DGKB: variants seen among roughly 807,000 people sequenced by gnomAD.
The protein encoded by DGKB is 90 kDa diacylglycerol kinase.
A neutral mutation model predicts 114.3 loss-of-function variants in DGKB; 67 were observed. The observed-to-expected ratio is 0.59, with a 90% CI of 0.48 to 0.72. The LOEUF is 0.72. Among genes scored for constraint, DGKB ranks in the 30% least tolerant of loss-of-function variants. The pLI is 0.00. For synonymous variants in DGKB, 398 were observed against 323.1 expected (o/e 1.23, Z -2.49); for missense variants, 907 against 975.2 (o/e 0.93, Z 0.93).
At chr7:14,504,978 G>C (rs1042992420) in intron 20 of DGKB, among the ~76,000 whole-genome samples, 1 of 152,180 alleles carries the variant, frequency 6.6e-6, no homozygotes, top group African/African-American at 2.4e-5. Context: ...ACAAGAGCCA[G>C]AAATCAACAC....
intron 21 of DGKB, among the ~76,000 whole-genome samples, chr7:14,352,858 G>A (rs1306748078): frequency 6.6e-6 from 1 of 152,108 alleles, no homozygotes; most frequent in African/African-American, 2.4e-5. Flanking sequence ...GGGAGGCGGA[G>A]GCTGCAGTGA....
At chr7:14,488,424 A>G (rs1037624052) in intron 20 of DGKB, among the ~76,000 whole-genome samples, 2 of 152,160 alleles carry the variant, frequency 1.3e-5, no homozygotes, top group Non-Finnish European at 2.9e-5. Context: ...TTCTGTGATT[A>G]AAATGCTCCC....
intron 21 of DGKB, among the ~76,000 whole-genome samples, chr7:14,375,691 A>C (rs1325809325): frequency 2.6e-5 from 4 of 152,230 alleles, no homozygotes; most frequent in Middle Eastern, 3.2e-3. Context: ...TAGATGCCTC[A>C]CGCTGGCATT....
chr7:14,861,971 C>G (rs1851045157), intron 1 of DGKB, among the ~76,000 whole-genome samples: 1 of 151,966 alleles, frequency 6.6e-6, no homozygotes, highest in Non-Finnish European at 1.5e-5. Context: ...GAGTGTTTCT[C>G]ATTTATATGA....
chr7:14,524,329 T>C (rs916634996), intron 20 of DGKB, among the ~76,000 whole-genome samples: 1 of 152,170 alleles, frequency 6.6e-6, no homozygotes, highest in East Asian at 1.9e-4. Context: ...TTGCTTCAGA[T>C]CAATAGAGTG....
At chr7:14,964,524 G>T (rs933080202) in intron 1 of DGKB, among the ~76,000 whole-genome samples, 1 of 151,972 alleles carries the variant, frequency 6.6e-6, no homozygotes, top group Non-Finnish European at 1.5e-5. Context: ...AAGATAAATG[G>T]AAAATAAAAC....
At chr7:14,565,828 C>T (rs1797305692) in intron 20 of DGKB, among the ~76,000 whole-genome samples, 1 of 152,048 alleles carries the variant, frequency 6.6e-6, no homozygotes, top group Non-Finnish European at 1.5e-5. Context: ...ACTTCCATGT[C>T]ATTCGCCATG....
At chr7:14,608,810 AT>A (rs999750100) in intron 16 of DGKB, among the ~76,000 whole-genome samples, 7 of 151,946 alleles carry the variant, frequency 4.6e-5, no homozygotes, top group African/African-American at 1.7e-4. Flanking sequence ...ATACAATATC[AT>A]TTACAAGAGT....
At chr7:14,848,461 G>A (rs1382343060) in intron 1 of DGKB, among the ~76,000 whole-genome samples, 1 of 152,194 alleles carries the variant, frequency 6.6e-6, no homozygotes, top group Non-Finnish European at 1.5e-5. Context: ...GAATGTACTA[G>A]TAGATTTTGA....
At chr7:14,234,572 T>C (rs538316884) in intron 23 of DGKB, among the ~76,000 whole-genome samples, 1 of 152,266 alleles carries the variant, frequency 6.6e-6, no homozygotes, top group African/African-American at 2.4e-5. Flanking sequence ...TAGTTTTATG[T>C]GAATGAATTG....
intron 25 of DGKB, among the ~76,000 whole-genome samples, chr7:14,158,343 C>T (rs570136363): frequency 3.3e-5 from 5 of 152,180 alleles, no homozygotes; most frequent in South Asian, 2.1e-4. Context: ...GCAGCATTCC[C>T]GCCACATGCC....
chr7:14,877,203 T>G (rs973048702), intron 1 of DGKB, among the ~76,000 whole-genome samples: 4 of 152,206 alleles, frequency 2.6e-5, no homozygotes, highest in African/African-American at 9.6e-5. Context: ...TACCCCCTAT[T>G]ATACGATTGC....
chr7:14,829,735 AT>A (rs1846164485), intron 2 of DGKB, among the ~76,000 whole-genome samples: 1 of 152,140 alleles, frequency 6.6e-6, no homozygotes, highest in Admixed American at 6.6e-5. Flanking sequence ...ACAGAACTCT[AT>A]GATTATGGCA....
intron 6 of DGKB, among the ~76,000 whole-genome samples, chr7:14,715,265 G>C (rs76740223): frequency 6.6e-6 from 1 of 152,176 alleles, no homozygotes; most frequent in African/African-American, 2.4e-5. Flanking sequence ...TGACAGTTTA[G>C]TTTTGGAATA....
chr7:14,894,925 C>G (rs1261864362), intron 1 of DGKB, among the ~76,000 whole-genome samples: 1 of 151,518 alleles, frequency 6.6e-6, no homozygotes, highest in Non-Finnish European at 1.5e-5. Context: ...ATAGAAACTT[C>G]TAATATATAT....
intron 23 of DGKB, among the ~76,000 whole-genome samples, chr7:14,336,167 T>C (rs754785772): frequency 2.0e-5 from 3 of 152,180 alleles, no homozygotes; most frequent in Non-Finnish European, 2.9e-5. Flanking sequence ...AAGTATAACA[T>C]TGAAGAATTA....
intron 21 of DGKB, among the ~76,000 whole-genome samples, chr7:14,429,083 G>A (rs747640577): frequency 5.3e-5 from 8 of 152,044 alleles, no homozygotes; most frequent in Non-Finnish European, 1.0e-4. Flanking sequence ...AAGGCATATT[G>A]AAAACAGAAG....
intron 21 of DGKB, among the ~76,000 whole-genome samples, chr7:14,403,650 T>G (rs1823484032): frequency 6.6e-6 from 1 of 152,006 alleles, no homozygotes; most frequent in Non-Finnish European, 1.5e-5. Flanking sequence ...AGTGTCCCAT[T>G]GTATCCATTA....
intron 21 of DGKB, among the ~76,000 whole-genome samples, chr7:14,359,243 G>T (rs527646037): frequency 6.6e-6 from 1 of 152,210 alleles, no homozygotes; most frequent in East Asian, 1.9e-4. Flanking sequence ...AATAAACGGC[G>T]CTGGGAAAAC....
Sources: gnomAD v4.1 joint callset for allele counts (sites outside exome capture counted in the v4.1 genomes callset) on GRCh38, gnomAD v4.1.1 for gene constraint, MANE v1.5 for transcripts, NCBI Gene and HGNC (gene_info 2026-07-23, HGNC 2026-07-21) for gene names.